SOX6: variants seen among roughly 807,000 people sequenced by gnomAD.
SOX6 encodes SRY-box transcription factor 6, also known as transcription factor SOX-6.
In SOX6, 11 loss-of-function variants were observed where a neutral mutation model predicts 97.8. That is an observed-to-expected ratio of 0.11 (90% CI 0.07 to 0.19). The LOEUF is 0.19. Ranked by LOEUF, SOX6 falls within the 10% of genes least tolerant of loss-of-function variation. The pLI is 1.00. For synonymous variants in SOX6, 360 were observed against 371.4 expected (o/e 0.97, Z 0.35); for missense variants, 810 against 1,039.5 (o/e 0.78, Z 3.04).
chr11:16,174,082 T>G (rs1205548631), intron 6 of SOX6, among the ~76,000 whole-genome samples: 1 of 149,882 alleles, frequency 6.7e-6, no homozygotes, highest in African/African-American at 2.4e-5. Context: ...TTCTCACCTC[T>G]CAGACAAAAA....
chr11:16,523,769 A>G (rs1276251336), intron 4 of SOX6, among the ~76,000 whole-genome samples: 1 of 152,230 alleles, frequency 6.6e-6, no homozygotes, highest in African/African-American at 2.4e-5. Context: ...AAGAAGAATC[A>G]AATAGACTCA....
chr11:16,209,751 T>G (rs1852169741), intron 4 of SOX6, among the ~76,000 whole-genome samples: 1 of 151,134 alleles, frequency 6.6e-6, no homozygotes, highest in African/African-American at 2.4e-5. Context: ...AGACTCTGTC[T>G]CAAAAAAAAG....
chr11:16,382,877 C>T (rs1259795328), intron 1 of SOX6, among the ~76,000 whole-genome samples: 1 of 151,624 alleles, frequency 6.6e-6, no homozygotes, highest in Non-Finnish European at 1.5e-5. Context: ...AGCTAAAGAC[C>T]AAGCTCTTAA....
intron 1 of SOX6, among the ~76,000 whole-genome samples, chr11:16,384,545 A>T (rs1443390648): frequency 6.6e-6 from 1 of 151,872 alleles, no homozygotes; most frequent in Non-Finnish European, 1.5e-5. Context: ...ACATATGATT[A>T]CCTCTGTCTT....
chr11:16,519,565 T>C (rs898480860), intron 4 of SOX6, among the ~76,000 whole-genome samples: 2 of 152,098 alleles, frequency 1.3e-5, no homozygotes, highest in African/African-American at 2.4e-5. Context: ...CTATGATATA[T>C]ATATATATAC....
At chr11:16,380,743 A>G (rs1297363636) in intron 1 of SOX6, among the ~76,000 whole-genome samples, 1 of 152,164 alleles carries the variant, frequency 6.6e-6, no homozygotes, top group Non-Finnish European at 1.5e-5. Flanking sequence ...AAAAGCAATC[A>G]AGCAAATCAC....
intron 1 of SOX6, among the ~76,000 whole-genome samples, chr11:16,413,398 G>C (rs1858861326): frequency 6.6e-6 from 1 of 151,568 alleles, no homozygotes; most frequent in African/African-American, 2.4e-5. Flanking sequence ...TTATTTTGAT[G>C]GATCCTCAAG....
chr11:16,072,406 TAAAG>T (rs1449225468), intron 9 of SOX6, among the ~76,000 whole-genome samples: 3 of 151,932 alleles, frequency 2.0e-5, no homozygotes, highest in Admixed American at 6.6e-5. Context: ...AAATAAATAA[TAAAG>T]AAGAATGAAT....
At chr11:16,368,914 G>A (rs535361993) in intron 1 of SOX6, among the ~76,000 whole-genome samples, 1 of 152,164 alleles carries the variant, frequency 6.6e-6, no homozygotes, top group African/African-American at 2.4e-5. Flanking sequence ...TCAACAATGA[G>A]CAAAAATTTG....
At chr11:15,974,404 T>A (rs1351380537) in intron 15 of SOX6, among the ~76,000 whole-genome samples, 3 of 107,696 alleles carry the variant, frequency 2.8e-5, no homozygotes, top group Non-Finnish European at 4.2e-5. Context: ...TTTTTTTTTA[T>A]TATACTCTAA....
At chr11:16,069,192 A>G (rs1242696674) in intron 9 of SOX6, among the ~76,000 whole-genome samples, 1 of 152,216 alleles carries the variant, frequency 6.6e-6, no homozygotes, top group African/African-American at 2.4e-5. Flanking sequence ...TAGCAGAAGA[A>G]AGAATTGTGA....
chr11:16,197,637 T>A (rs1043156185), intron 4 of SOX6, among the ~76,000 whole-genome samples: 1 of 152,234 alleles, frequency 6.6e-6, no homozygotes, highest in Admixed American at 6.5e-5. Flanking sequence ...ACCTTAATAA[T>A]GATTCCTGGG....
intron 9 of SOX6, among the ~76,000 whole-genome samples, chr11:16,076,514 C>A (rs1476049854): frequency 6.6e-6 from 1 of 151,514 alleles, no homozygotes. Flanking sequence ...AAGTGCTTAA[C>A]ATCTGTATTA....
intron 3 of SOX6, among the ~76,000 whole-genome samples, chr11:16,684,710 CCCTAGAACTTAAAGT>C (rs1847955458): frequency 6.6e-6 from 1 of 151,434 alleles, no homozygotes; most frequent in Admixed American, 6.6e-5. Context: ...TGCACATGTA[CCCTAGAACTTAAAGT>C]ATAATTTAAA....
rs551393919 is a variant in SOX6, at chr11:16,584,210, C to T, written n.609+27871G>A. ...GGAAGTAATTCCCTATTGTTGATCC[C>T]TTAGCATGCATTGGACGATCACTTA... is the stretch of plus-strand genomic sequence containing the variant. On this transcript the variant is annotated intron_variant and non_coding_transcript_variant, in intron 4 of 5. Coordinates refer to the SOX6 transcript ENST00000524520. 2.0e-5 allele frequency among the ~76,000 whole-genome samples: 3 copies of T among 152,278 alleles called. No homozygotes were observed. In the South Asian group the frequency reaches 6.2e-4, roughly 32 times the overall value.
At chr11:16,278,828 G>A (rs543213877) in intron 3 of SOX6, among the ~76,000 whole-genome samples, 2 of 152,128 alleles carry the variant, frequency 1.3e-5, no homozygotes, top group East Asian at 1.9e-4. Context: ...ATCTAATGGG[G>A]TAAAGAAAAT....
intron 6 of SOX6, among the ~76,000 whole-genome samples, chr11:16,165,021 T>C (rs781066405): frequency 6.6e-6 from 1 of 152,176 alleles, no homozygotes; most frequent in Non-Finnish European, 1.5e-5. Flanking sequence ...TGTTGATTAC[T>C]AAAATAACAA....
chr11:16,042,669 GA>G (rs1564921964), intron 12 of SOX6, among the ~76,000 whole-genome samples: 1 of 152,082 alleles, frequency 6.6e-6, no homozygotes, highest in Non-Finnish European at 1.5e-5. Flanking sequence ...TATGCAAATT[GA>G]AGTGATTGAA....
At chr11:16,549,328 C>T (rs1847655949) in intron 4 of SOX6, among the ~76,000 whole-genome samples, 1 of 152,002 alleles carries the variant, frequency 6.6e-6, no homozygotes, top group South Asian at 2.1e-4. Context: ...CGCCACCACG[C>T]CTGGCTAATT....
Sources: allele counts gnomAD v4.1 joint callset (sites outside exome capture counted in the v4.1 genomes callset), GRCh38; gene constraint gnomAD v4.1.1; transcripts MANE v1.5; gene names NCBI Gene and HGNC (gene_info 2026-07-23, HGNC 2026-07-21).